Variants in OTOF observed in about 807,000 individuals in gnomAD.
OTOF encodes the protein fer-1-like family member 2.
In OTOF, 218 loss-of-function variants were observed where a neutral mutation model predicts 236.8. That is an observed-to-expected ratio of 0.92 (90% confidence interval 0.82 to 1.03). The LOEUF is 1.03. OTOF is among the 50% of genes least tolerant of loss of function. The pLI is 0.00. For synonymous variants in OTOF, 1,041 were observed against 1,072.5 expected, an observed-to-expected ratio of 0.97 and a Z score of 0.57; for missense variants, 2,590 against 2,694.4, an observed-to-expected ratio of 0.96 and a Z score of 0.86.
intron 6 of OTOF, among the ~76,000 whole-genome samples, 185 bp downstream of exon 6, chr2:26,503,587 C>G (rs1305589671): frequency 2.0e-5 from 3 of 152,246 alleles, no homozygotes; most frequent in Admixed American, 6.5e-5. Context: ...ACAGAGGGCG[C>G]TGCCCGTTTC....
At chr2:26,489,426 A>G (rs947554208) in intron 10 of OTOF, 131 bp from the exon 11 acceptor site, 1 of 762,292 alleles carries the variant, frequency 1.3e-6, no homozygotes, top group African/African-American at 1.7e-5. Context: ...ACTGAGGCTC[A>G]GCATCAGCTC....
intron 10 of OTOF, 70 bp downstream of exon 10, chr2:26,489,608 C>T (rs1665787828): frequency 2.2e-6 from 3 of 1,333,414 alleles, no homozygotes; most frequent in South Asian, 2.4e-5. Context: ...AGAGGGGGCC[C>T]CTCTCAAGTC....
At chr2:26,553,948 G>A (rs909509770) in intron 1 of OTOF, among the ~76,000 whole-genome samples, 1 of 152,050 alleles carries the variant, frequency 6.6e-6, no homozygotes, top group African/African-American at 2.4e-5. Context: ...CGAGGCAGGC[G>A]GATCATGAGG....
chr2:26,543,230 A>G (rs1667249331), intron 1 of OTOF, among the ~76,000 whole-genome samples: 1 of 152,190 alleles, frequency 6.6e-6, no homozygotes, highest in Admixed American at 6.5e-5. Context: ...AGCACCAGGA[A>G]GCAGGGCCCA....
intron 5 of OTOF, among the ~76,000 whole-genome samples, chr2:26,506,554 A>C (rs1666253947): frequency 6.6e-6 from 1 of 152,226 alleles, no homozygotes; most frequent in Non-Finnish European, 1.5e-5. Flanking sequence ...AGGTAGCAAG[A>C]AATAGTGGCT....
At chr2:26,538,427 C>A (rs1383768688) in intron 1 of OTOF, among the ~76,000 whole-genome samples, 1 of 152,256 alleles carries the variant, frequency 6.6e-6, no homozygotes, top group Non-Finnish European at 1.5e-5. Context: ...CCCACTTTCC[C>A]CACTGGCATG....
chr2:26,512,155 A>G (rs542413516), intron 5 of OTOF, among the ~76,000 whole-genome samples: 28 of 152,334 alleles, frequency 1.8e-4, no homozygotes, highest in Admixed American at 2.6e-4. Flanking sequence ...TTTGGGCAGC[A>G]GAAGGAGGTG....
chr2:26,477,934 G>A lies in OTOF; in HGVS notation c.2215-185C>T. The A allele has an allele frequency of 6.8e-7, 1 of 1,462,416 alleles. No homozygotes were observed. Among genetic ancestry groups the A allele is most frequent in the Non-Finnish European group, 9.0e-7 (1 of 1,116,134 alleles). The allele number at this position is 1,462,416 out of a possible 1,614,324, so 90.6% of individuals were successfully genotyped here. ...TTCCCAGGTTCTGTTCTCAGAACCTGGAGATGTTGGTGTTCATGGGGGTTC... is the reference window on the plus strand; with the variant it reads ...TTCCCAGGTTCTGTTCTCAGAACCTAGAGATGTTGGTGTTCATGGGGGTTC... On this transcript the variant is annotated intron_variant, in intron 18 of 46. Transcript: ENST00000272371. The surrounding 1 kb of genome is among the most constrained non-coding windows in gnomAD (Gnocchi z 4.7).
At chr2:26,464,239 G>T (rs2148025177) in intron 39 of OTOF, 133 bp from the exon 40 acceptor site, 1 of 1,119,874 alleles carries the variant, frequency 8.9e-7, no homozygotes, top group Non-Finnish European at 1.3e-6. Context: ...TTCACTGTTG[G>T]GGAAACTGAG....
chr2:26,545,334 CCTA>C, intron 1 of OTOF, among the ~76,000 whole-genome samples: 1 of 152,206 alleles, frequency 6.6e-6, no homozygotes, highest in Non-Finnish European at 1.5e-5. Flanking sequence ...AAGTCTTTTG[CCTA>C]CATAAAAAAT....
At chr2:26,547,302 C>T (rs1667356248) in intron 1 of OTOF, among the ~76,000 whole-genome samples, 1 of 152,038 alleles carries the variant, frequency 6.6e-6, no homozygotes, top group Non-Finnish European at 1.5e-5. Flanking sequence ...ATTAACATTG[C>T]ATTCCTGGGA....
intron 1 of OTOF, among the ~76,000 whole-genome samples, chr2:26,550,269 A>T (rs577615826): frequency 1.8e-3 from 269 of 152,278 alleles, no homozygotes; most frequent in Non-Finnish European, 3.5e-3. Flanking sequence ...GGTAAAAATG[A>T]TCACATGATA....
At chr2:26,505,304 T>G (rs1273034991) in intron 5 of OTOF, among the ~76,000 whole-genome samples, 1 of 152,164 alleles carries the variant, frequency 6.6e-6, no homozygotes, top group African/African-American at 2.4e-5. Context: ...GCATACCATC[T>G]GAAATACGAC....
chr2:26,474,722 C>A (rs759934840), intron 25 of OTOF, 48 bp from the exon 26 acceptor site: 49 of 1,605,416 alleles, frequency 3.1e-5, no homozygotes, highest in Non-Finnish European at 4.2e-5. Flanking sequence ...GCTGTCCACA[C>A]CTGTGATCTC....
chr2:26,555,576 G>A (rs779289408), intron 1 of OTOF, among the ~76,000 whole-genome samples: 2 of 152,176 alleles, frequency 1.3e-5, no homozygotes, highest in African/African-American at 4.8e-5. Context: ...AGGTGGCCAC[G>A]GGCAAAGCTG....
chr2:26,516,593 G>A lies in OTOF; in HGVS notation c.334C>T (p.Leu112=), dbSNP rs1219437824. ...GCCTGATACCGGACCTCCACGCACA[G>A]GCTGGTCTGAAGGGAGGGAGGCGGT... ...DDNNAIIKTS[L]CVEVRYQATD... The change falls in exon 5 of 47, where the codon CTG becomes TTG. Residue 112 remains leucine (L), a synonymous_variant. Transcript: ENST00000272371. 1 of 1,605,498 alleles carries A rather than the reference G, an allele frequency of 6.2e-7. No homozygotes were observed. The highest frequency in any genetic ancestry group is 2.2e-5 in the East Asian group (1 of 44,890).
intron 38 of OTOF, among the ~76,000 whole-genome samples, 167 bp downstream of exon 38, chr2:26,465,505 C>A (rs1421535987): frequency 1.3e-5 from 2 of 152,234 alleles, no homozygotes; most frequent in Non-Finnish European, 2.9e-5. Flanking sequence ...TTGGGATCTG[C>A]AGTCCTGTCC....
intron 14 of OTOF, among the ~76,000 whole-genome samples, chr2:26,481,986 T>C (rs1250570845): frequency 6.6e-6 from 1 of 152,016 alleles, no homozygotes; most frequent in Non-Finnish European, 1.5e-5. Context: ...GCAGGGATCC[T>C]AGGAGGTAGT....
Position 26,480,926 on chromosome 2 carries a change from G to A in OTOF, c.1663C>T (p.Leu555=). The change falls in exon 15 of 47, where the codon CTG becomes TTG. Residue 555 remains leucine (L), a synonymous_variant. Transcript: ENST00000272371. ...ACACCCTCCCCCAGGCCCTCGTTCA[G>A]GTCCTGATGCTCATCCAGCAGCGTG... ...NYTLLDEHQD[L]NEGLGEGVSF... The A allele has an allele frequency of 6.2e-7, 1 of 1,613,072 alleles. No homozygotes were observed. The highest frequency in any genetic ancestry group is 8.5e-7 in the Non-Finnish European group (1 of 1,180,014).
Sources: allele counts gnomAD v4.1 joint callset (sites outside exome capture counted in the v4.1 genomes callset), GRCh38; gene constraint gnomAD v4.1.1; non-coding constraint Gnocchi (gnomAD v3.1); transcripts MANE v1.5; gene names NCBI Gene and HGNC (gene_info 2026-07-23, HGNC 2026-07-21).